Variants in ALPK2 observed in about 807,000 individuals in gnomAD.
ALPK2 encodes the protein alpha kinase 2.
A neutral mutation model predicts 163.1 loss-of-function variants in ALPK2; 127 were observed. The ratio of observed to expected loss-of-function variants is 0.78; its 90% CI spans 0.67 to 0.90. The LOEUF is 0.90. Ranked by LOEUF, ALPK2 falls within the 40% of genes least tolerant of loss-of-function variation. The pLI is 0.00. For missense variants in ALPK2, 2,360 were observed against 2,589.6 expected (o/e 0.91, Z 1.92); for synonymous variants, 953 against 959.1 (o/e 0.99, Z 0.12).
At chr18:58,559,749 T>A (rs2051816047) in intron 4 of ALPK2, among the ~76,000 whole-genome samples, 1 of 152,178 alleles carries the variant, frequency 6.6e-6, no homozygotes, top group African/African-American at 2.4e-5. Context: ...ACGTCAGATT[T>A]TCTAAGCCAA....
At chr18:58,594,105 G>A (rs545801748) in intron 3 of ALPK2, among the ~76,000 whole-genome samples, 13 of 152,046 alleles carry the variant, frequency 8.6e-5, no homozygotes, top group Admixed American at 2.0e-4. Context: ...TAGCGAACAC[G>A]TCAGGGAACA....
chr18:58,557,762 A>G (rs906313937), intron 4 of ALPK2, among the ~76,000 whole-genome samples: 17 of 151,872 alleles, frequency 1.1e-4, no homozygotes, highest in African/African-American at 3.9e-4. Flanking sequence ...AAAAGAGGAA[A>G]GAAAACCAAC....
intron 4 of ALPK2, among the ~76,000 whole-genome samples, chr18:58,542,935 T>C (rs74565065): frequency 0.017 from 2,525 of 152,286 alleles, 58 homozygotes; most frequent in African/African-American, 0.048. Context: ...TCAAAACTCA[T>C]ATTGAAACTT....
chr18:58,611,666 T>C, intron 2 of ALPK2, 23 bp downstream of exon 2: 1 of 1,593,304 alleles, frequency 6.3e-7, no homozygotes, highest in Non-Finnish European at 8.6e-7. Flanking sequence ...TAGAGGGTGA[T>C]TAGCTAGTCT....
intron 4 of ALPK2, among the ~76,000 whole-genome samples, chr18:58,545,537 T>C (rs894666786): frequency 6.6e-6 from 1 of 151,894 alleles, no homozygotes; most frequent in Non-Finnish European, 1.5e-5. Flanking sequence ...GGAGGGAGAA[T>C]GGGAAATATG....
At chr18:58,550,330 C>CA (rs2051745027) in intron 4 of ALPK2, among the ~76,000 whole-genome samples, 2 of 150,850 alleles carry the variant, frequency 1.3e-5, no homozygotes, top group Admixed American at 6.6e-5. Context: ...AACCCTATCC[C>CA]TGCCTTCATC....
chr18:58,567,970 T>C (rs1402499076), intron 4 of ALPK2, among the ~76,000 whole-genome samples: 2 of 152,152 alleles, frequency 1.3e-5, no homozygotes, highest in African/African-American at 4.8e-5. Flanking sequence ...GCTGGCTCCA[T>C]CTGAAAGATC....
chr18:58,486,243 C>T (rs1319961932), intron 12 of ALPK2, among the ~76,000 whole-genome samples: 1 of 152,214 alleles, frequency 6.6e-6, no homozygotes, highest in African/African-American at 2.4e-5. Flanking sequence ...GATGGCTGTG[C>T]CTGGGCTTGG....
chr18:58,520,915 C>G (rs2051547149), intron 8 of ALPK2, among the ~76,000 whole-genome samples: 2 of 152,176 alleles, frequency 1.3e-5, no homozygotes, highest in Admixed American at 1.3e-4. Flanking sequence ...ACTCAGGAGG[C>G]TTAGGTGGGA....
intron 5 of ALPK2, among the ~76,000 whole-genome samples, chr18:58,532,734 T>C (rs1296789908): frequency 6.6e-6 from 1 of 152,242 alleles, no homozygotes; most frequent in African/African-American, 2.4e-5. Flanking sequence ...TGTTAGGCCA[T>C]GTGCCATTCA....
At chr18:58,577,342 T>G (rs2051927280) in intron 4 of ALPK2, among the ~76,000 whole-genome samples, 1 of 152,178 alleles carries the variant, frequency 6.6e-6, no homozygotes, top group Non-Finnish European at 1.5e-5. Flanking sequence ...TCCCTTCCAC[T>G]TCTTTTGAGC....
intron 3 of ALPK2, among the ~76,000 whole-genome samples, chr18:58,585,642 T>C (rs2051981881): frequency 6.6e-6 from 1 of 152,062 alleles, no homozygotes; most frequent in Non-Finnish European, 1.5e-5. Flanking sequence ...TCAGTGAACT[T>C]TCCATACTTG....
chr18:58,504,168 A>G lies in ALPK2; in HGVS notation c.6030-20T>C. On this transcript the variant is annotated intron_variant, in intron 10 of 12. Transcript: ENST00000361673. ...ATGATCCTGGCAGGGAAGAGAACAC[A>G]GGCGCACATCAAGGTCTCTACTGGG... 6.3e-7 allele frequency: 1 copy of G among 1,599,904 alleles called. No homozygotes were observed. Among genetic ancestry groups the G allele is most frequent in the South Asian group, 1.1e-5 (1 of 90,750 alleles).
intron 4 of ALPK2, among the ~76,000 whole-genome samples, chr18:58,575,340 G>T (rs1370131939): frequency 1.3e-5 from 2 of 152,170 alleles, no homozygotes; most frequent in African/African-American, 4.8e-5. Context: ...TAGGGACTTG[G>T]GTTATATCAG....
intron 4 of ALPK2, among the ~76,000 whole-genome samples, chr18:58,571,427 G>GAAAAAAAAAAAAA (rs77059313): frequency 1.8e-5 from 2 of 108,732 alleles, no homozygotes; most frequent in Non-Finnish European, 1.9e-5. Flanking sequence ...ACATCCACAG[G>GAAAAAAAAAAAAA]AAAAAAAAAA....
intron 8 of ALPK2, among the ~76,000 whole-genome samples, chr18:58,520,252 A>G (rs1391889330): frequency 6.6e-6 from 1 of 151,610 alleles, no homozygotes; most frequent in Non-Finnish European, 1.5e-5. Flanking sequence ...ACATGATGAA[A>G]CCCCATCTCT....
intron 12 of ALPK2, among the ~76,000 whole-genome samples, chr18:58,492,297 C>T (rs1452318104): frequency 6.6e-6 from 1 of 152,126 alleles, no homozygotes; most frequent in Non-Finnish European, 1.5e-5. Context: ...CGCACACACA[C>T]ACGCACACAT....
At chr18:58,589,865 A>T (rs1264689119) in intron 3 of ALPK2, among the ~76,000 whole-genome samples, 2 of 152,224 alleles carry the variant, frequency 1.3e-5, no homozygotes, top group African/African-American at 4.8e-5. Context: ...CAACTCGACC[A>T]GGTGCCCTGA....
At chr18:58,583,194 T>C (rs887612554) in intron 3 of ALPK2, among the ~76,000 whole-genome samples, 8 of 152,198 alleles carry the variant, frequency 5.3e-5, no homozygotes, top group African/African-American at 1.7e-4. Context: ...CTCTTTGTGA[T>C]GTGATGCTAT....
Sources: allele counts gnomAD v4.1 joint callset (sites outside exome capture counted in the v4.1 genomes callset), GRCh38; gene constraint gnomAD v4.1.1; transcripts MANE v1.5; gene names NCBI Gene and HGNC (gene_info 2026-07-23, HGNC 2026-07-21).